The following ASB3 variants were observed in gnomAD, a reference collection of about 807,000 sequenced individuals.
The protein encoded by ASB3 is ankyrin repeat and SOCS box protein 3.
Under a neutral mutation model 54.5 loss-of-function variants are expected in ASB3, and 41 were observed. The observed-to-expected ratio is 0.75, with a 90% confidence interval of 0.59 to 0.98. The LOEUF is 0.98. ASB3 is among the 50% of genes least tolerant of loss of function. The pLI is 0.00. For synonymous variants in ASB3, 266 were observed against 221.2 expected (o/e 1.20, Z -1.80); for missense variants, 733 against 620.0 (o/e 1.18, Z -1.94).
At chr2:53,673,308 C>T (rs1394827177) in intron 9 of ASB3, among the ~76,000 whole-genome samples, 2 of 152,112 alleles carry the variant, frequency 1.3e-5, no homozygotes, top group African/African-American at 2.4e-5. Flanking sequence ...CTGTGCAACC[C>T]GGAGGAGAGC....
chr2:53,751,632 G>C lies in ASB3; in HGVS notation c.197-691C>G, dbSNP rs114107445. Reference sequence around the variant, plus strand: ...ATAGAAAGATGGGCTCTAAAGTGAAGGGTGAAGACATTTCTGAGAGCTGGA... The same window carrying C: ...ATAGAAAGATGGGCTCTAAAGTGAACGGTGAAGACATTTCTGAGAGCTGGA... On this transcript the variant is annotated intron_variant, in intron 2 of 9. Coordinates refer to ENST00000263634, the MANE Select transcript of ASB3 (RefSeq NM_016115.5). Among the ~76,000 whole-genome samples, 1,200 of 152,008 alleles carry C rather than the reference G, an allele frequency of 7.9e-3. 18 individuals are homozygous for C. Among genetic ancestry groups the C allele is most frequent in the African/African-American group, 0.027 (1,127 of 41,456 alleles).
intron 9 of ASB3, among the ~76,000 whole-genome samples, chr2:53,688,935 A>G (rs1668769011): frequency 6.7e-6 from 1 of 149,890 alleles, no homozygotes; most frequent in African/African-American, 2.5e-5. Flanking sequence ...AAGTGTAAGA[A>G]AAAAAAAAGA....
At chr2:53,768,869 T>C (rs887121732) in intron 1 of ASB3, among the ~76,000 whole-genome samples, 9 of 152,134 alleles carry the variant, frequency 5.9e-5, no homozygotes, top group African/African-American at 2.2e-4. Flanking sequence ...AAAACTAAGA[T>C]TGAGGTAACT....
chr2:53,779,330 T>C (rs557454217), intron 1 of ASB3, among the ~76,000 whole-genome samples: 38 of 152,328 alleles, frequency 2.5e-4, no homozygotes, highest in Non-Finnish European at 4.6e-4. Flanking sequence ...TCCCAATCCA[T>C]AGGATGTCAC....
chr2:53,742,239 A>G (rs574517096), intron 3 of ASB3, among the ~76,000 whole-genome samples: 2 of 152,228 alleles, frequency 1.3e-5, no homozygotes, highest in South Asian at 4.1e-4. Context: ...TTCATGTCCA[A>G]AAATCCTGAG....
intron 3 of ASB3, among the ~76,000 whole-genome samples, chr2:53,743,298 C>A (rs1481645024): frequency 6.6e-6 from 1 of 151,782 alleles, no homozygotes. Flanking sequence ...AGCAACAGCG[C>A]CCAGCCAAAT....
At position 53,670,123 on chromosome 2, in the gene ASB3, T is replaced by C. The variant is rs1437509756; in HGVS notation, c.*380A>G. 5.7e-6 allele frequency: 1 copy of C among 175,760 alleles called. No homozygotes were observed. Among genetic ancestry groups the C allele is most frequent in the East Asian group, 1.8e-4 (1 of 5,628 alleles). The allele number at this position is 175,760 out of a possible 1,614,324, so 10.9% of individuals were successfully genotyped here. On this transcript the variant is annotated 3_prime_UTR_variant, in exon 10 of 10. Coordinates refer to ENST00000263634, the MANE Select transcript of ASB3 (RefSeq NM_016115.5). ...TCCATTCTGAGCTCCTAATACCAGG[T>C]AAACACGAATCATAGGTGGAAATAT...
intron 3 of ASB3, among the ~76,000 whole-genome samples, chr2:53,740,068 A>G (rs1335288901): frequency 1.3e-5 from 2 of 152,232 alleles, no homozygotes; most frequent in East Asian, 1.9e-4. Context: ...CAGGCTGTCC[A>G]TCTCCTCCAG....
chr2:53,770,756 TG>T (rs1239443882), intron 1 of ASB3, among the ~76,000 whole-genome samples: 1 of 152,146 alleles, frequency 6.6e-6, no homozygotes, highest in Non-Finnish European at 1.5e-5. Flanking sequence ...AAAACCAAAA[TG>T]GGAAAATAAA....
chr2:53,762,726 C>A (rs1336294051), intron 2 of ASB3, among the ~76,000 whole-genome samples: 1 of 152,172 alleles, frequency 6.6e-6, no homozygotes, highest in Non-Finnish European at 1.5e-5. Flanking sequence ...CCATTACACC[C>A]AACCTCCAAT....
chr2:53,710,698 T>A (rs1208360313), intron 7 of ASB3, among the ~76,000 whole-genome samples: 1 of 152,200 alleles, frequency 6.6e-6, no homozygotes, highest in Non-Finnish European at 1.5e-5. Flanking sequence ...GCAATTTCTG[T>A]TTTACCTTAT....
intron 5 of ASB3, among the ~76,000 whole-genome samples, chr2:53,717,418 AAAT>A (rs1376056854): frequency 1.3e-5 from 2 of 152,210 alleles, no homozygotes; most frequent in Non-Finnish European, 2.9e-5. Flanking sequence ...ACTGCATGAT[AAAT>A]AATGCCTACA....
chr2:53,728,460 G>T (rs74783745), intron 5 of ASB3, among the ~76,000 whole-genome samples: 4,098 of 152,216 alleles, frequency 0.027, 55 homozygotes, highest in Non-Finnish European at 0.037. Context: ...CATTCAACTT[G>T]CCAATAAACC....
chr2:53,672,422 C>T (rs946821924), intron 9 of ASB3, among the ~76,000 whole-genome samples: 2 of 152,088 alleles, frequency 1.3e-5, no homozygotes, highest in Admixed American at 1.3e-4. Context: ...GTAAAGGGGC[C>T]ACTGGAGGAA....
intron 3 of ASB3, among the ~76,000 whole-genome samples, chr2:53,734,042 C>A (rs1224369285): frequency 6.6e-6 from 1 of 152,214 alleles, no homozygotes; most frequent in Non-Finnish European, 1.5e-5. Context: ...GGTTTAAGAA[C>A]ACCTTTAAGC....
chr2:53,706,305 A>C (rs1159272288), intron 7 of ASB3, among the ~76,000 whole-genome samples: 1 of 152,234 alleles, frequency 6.6e-6, no homozygotes, highest in African/African-American at 2.4e-5. Flanking sequence ...TGATTCATTA[A>C]TTCACAAATA....
At position 53,716,567 on chromosome 2, in the gene ASB3, T is replaced by G; in HGVS notation, c.781A>C (p.Lys261Gln). The change falls in exon 6 of 10, where the codon AAA becomes CAA. Residue 261 changes from lysine (K) to glutamine (Q), a missense_variant and splice_region_variant. Coordinates refer to ENST00000263634, the MANE Select transcript of ASB3 (RefSeq NM_016115.5). The stretch of plus-strand genomic sequence containing the variant: ...TTATTTTCTGTTTTTAACACTTACT[T>G]TGTATGGCCCATTTGTGCAGCTGCA... Reference protein sequence around the residue: ...IHAAAQMGHTKILDLLIPLTN... With the variant: ...IHAAAQMGHTQILDLLIPLTN... 1 of 1,610,116 alleles carries G rather than the reference T, an allele frequency of 6.2e-7. No individual in the cohort carries two copies.
Position 53,741,200 on chromosome 2 carries a change from A to G in ASB3, c.355+9583T>C, listed in dbSNP as rs1671913513. 3.3e-5 allele frequency among the ~76,000 whole-genome samples: 5 copies of G among 152,254 alleles called. No homozygotes were observed. In the South Asian group the frequency reaches 8.3e-4, roughly 25 times the overall value. On this transcript the variant is annotated intron_variant, in intron 3 of 9. Coordinates refer to ENST00000263634, the MANE Select transcript of ASB3 (RefSeq NM_016115.5). ...TAGGAGCAACATTTCCATTTTAGCC[A>G]TACTAACCAATGATAATCACATATC...
intron 7 of ASB3, among the ~76,000 whole-genome samples, chr2:53,706,804 C>A (rs995611207): frequency 6.6e-6 from 1 of 152,046 alleles, no homozygotes; most frequent in African/African-American, 2.4e-5. Context: ...ATTCTTATGC[C>A]CAATACTAGT....
Sources: allele counts gnomAD v4.1 joint callset (sites outside exome capture counted in the v4.1 genomes callset), GRCh38; gene constraint gnomAD v4.1.1; transcripts MANE v1.5; gene names NCBI Gene and HGNC (gene_info 2026-07-23, HGNC 2026-07-21).